The following CDK17 variants were observed in gnomAD, a reference collection of about 807,000 sequenced individuals.
The protein encoded by CDK17 is cyclin dependent kinase 17, also known as cyclin-dependent kinase 17.
Under a neutral mutation model 77.6 loss-of-function variants are expected in CDK17, and 24 were observed. The ratio of observed to expected loss-of-function variants is 0.31; its 90% CI spans 0.22 to 0.44. The LOEUF (loss-of-function observed/expected upper bound fraction) is 0.44, where lower values mean the gene tolerates loss of function less well. Among genes scored for constraint, CDK17 ranks in the 20% least tolerant of loss-of-function variants. The pLI is 1.00. For synonymous variants in CDK17, 203 were observed against 210.4 expected (o/e 0.96, Z 0.30); for missense variants, 429 against 622.5 (o/e 0.69, Z 3.31).
chr12:96,346,163 C>G (rs2137162449), intron 1 of CDK17, among the ~76,000 whole-genome samples: 1 of 152,172 alleles, frequency 6.6e-6, no homozygotes, highest in South Asian at 2.1e-4. Flanking sequence ...ACTAAAAACA[C>G]AAAAATTGGC....
At chr12:96,313,572 T>C (rs1323955053) in intron 3 of CDK17, 118 bp from the exon 4 acceptor site, 1 of 518,570 alleles carries the variant, frequency 1.9e-6, no homozygotes, top group African/African-American at 2.0e-5. Context: ...AAAAGTCATT[T>C]ACATTCTGGG....
chr12:96,341,913 T>C (rs957227329), intron 1 of CDK17, among the ~76,000 whole-genome samples: 35 of 152,220 alleles, frequency 2.3e-4, no homozygotes, highest in African/African-American at 4.8e-5. Context: ...ATCCACTGTT[T>C]ATGTTTTTGA....
intron 1 of CDK17, among the ~76,000 whole-genome samples, chr12:96,385,811 C>T (rs527256485): frequency 3.6e-4 from 55 of 152,078 alleles, no homozygotes; most frequent in African/African-American, 1.3e-3. Flanking sequence ...TGAGACCATA[C>T]AGATAGGAAA....
In CDK17 at chr12:96,297,264, A is replaced by G; in HGVS notation, c.873+6T>C. ...ATTTAAAAATTACACACGCAAGAAA[A>G]CATACCTTTACGTTGTGCATACTCA... On this transcript the variant is annotated splice_donor_region_variant and intron_variant, in intron 9 of 16. Coordinates refer to ENST00000261211, the MANE Select transcript of CDK17 (RefSeq NM_002595.5). The G allele has an allele frequency of 1.3e-6, 2 of 1,595,412 alleles. No homozygotes were observed. The highest frequency in any genetic ancestry group is 1.7e-6 in the Non-Finnish European group (2 of 1,165,948).
At chr12:96,367,882 T>C (rs1409587875) in intron 1 of CDK17, among the ~76,000 whole-genome samples, 1 of 149,072 alleles carries the variant, frequency 6.7e-6, no homozygotes, top group East Asian at 2.0e-4. Flanking sequence ...TCCCTTATAG[T>C]GACTGGTAGG....
chr12:96,339,184 T>A (rs2137150858), intron 1 of CDK17, among the ~76,000 whole-genome samples: 1 of 152,332 alleles, frequency 6.6e-6, no homozygotes, highest in East Asian at 1.9e-4. Flanking sequence ...TTAATTCATA[T>A]AACAGTAACA....
At chr12:96,327,018 G>C (rs1162208803) in intron 2 of CDK17, among the ~76,000 whole-genome samples, 1 of 152,178 alleles carries the variant, frequency 6.6e-6, no homozygotes, top group African/African-American at 2.4e-5. Flanking sequence ...GGGTAGGGAA[G>C]ACTACAAAAG....
chr12:96,364,886 A>G (rs1033044369), intron 1 of CDK17, among the ~76,000 whole-genome samples: 7 of 152,226 alleles, frequency 4.6e-5, no homozygotes, highest in Admixed American at 3.9e-4. Context: ...ACTCAGGAAG[A>G]CCTCACAAAT....
At chr12:96,368,668 C>T (rs543473043) in intron 1 of CDK17, among the ~76,000 whole-genome samples, 1 of 152,118 alleles carries the variant, frequency 6.6e-6, no homozygotes, top group African/African-American at 2.4e-5. Context: ...AAGTGTTCCA[C>T]ATTTTCGTCT....
intron 1 of CDK17, among the ~76,000 whole-genome samples, chr12:96,336,903 C>G (rs1350067115): frequency 6.6e-6 from 1 of 152,208 alleles, no homozygotes. Flanking sequence ...ACTCCAAAGT[C>G]TGAACAATCT....
At chr12:96,301,924 A>G (rs1031380630) in intron 5 of CDK17, among the ~76,000 whole-genome samples, 1 of 152,186 alleles carries the variant, frequency 6.6e-6, no homozygotes, top group Non-Finnish European at 1.5e-5. Context: ...TATGTATCAT[A>G]TTAAAAGCCA....
At chr12:96,304,141 C>G (rs1454189623) in intron 5 of CDK17, among the ~76,000 whole-genome samples, 3 of 152,164 alleles carry the variant, frequency 2.0e-5, no homozygotes, top group Admixed American at 2.0e-4. Flanking sequence ...TGTTTGACCT[C>G]ACATAACTGA....
At chr12:96,296,936 C>A (rs1036150585) in intron 9 of CDK17, among the ~76,000 whole-genome samples, 2 of 151,950 alleles carry the variant, frequency 1.3e-5, no homozygotes, top group African/African-American at 4.8e-5. Flanking sequence ...TTAAAGAAGG[C>A]CTTTCACAGA....
intron 1 of CDK17, among the ~76,000 whole-genome samples, chr12:96,367,391 T>G (rs1281103277): frequency 7.8e-6 from 1 of 128,808 alleles, no homozygotes; most frequent in Non-Finnish European, 1.7e-5. Context: ...TAAAGTAAAA[T>G]AGTTCTCAAG....
chr12:96,334,811 G>A lies in CDK17; in HGVS notation c.26C>T (p.Ser9Phe). 6.2e-7 allele frequency: 1 copy of A among 1,604,868 alleles called. No homozygotes were observed. Among genetic ancestry groups the A allele is most frequent in the Non-Finnish European group, 8.5e-7 (1 of 1,172,046 alleles). Residue 9 changes from serine (S) to phenylalanine (F), a missense_variant, in exon 2 of 17, where the codon TCC becomes TTC. Transcript: ENST00000261211. MKKFKRRL[S>F]LTLRGSQTID... ...AGTCTGACTTCCTCGGAGTGTGAGGGATAGCCTTCTCTTAAATTTTTTCAT... is the reference window on the plus strand; with the variant it reads ...AGTCTGACTTCCTCGGAGTGTGAGGAATAGCCTTCTCTTAAATTTTTTCAT...
chr12:96,296,806 C>T (rs1473739089), intron 9 of CDK17, among the ~76,000 whole-genome samples: 1 of 152,130 alleles, frequency 6.6e-6, no homozygotes, highest in African/African-American at 2.4e-5. Flanking sequence ...TTCTTCCTGA[C>T]AGTACAGATT....
chr12:96,390,285 C>T (rs912595907), intron 1 of CDK17, among the ~76,000 whole-genome samples: 3 of 151,226 alleles, frequency 2.0e-5, no homozygotes, highest in Admixed American at 1.3e-4. Flanking sequence ...CGTGCCAACA[C>T]GCCCGGCTAA....
At chr12:96,346,761 A>G (rs1205974644) in intron 1 of CDK17, among the ~76,000 whole-genome samples, 3 of 151,492 alleles carry the variant, frequency 2.0e-5, no homozygotes, top group African/African-American at 7.3e-5. Flanking sequence ...CTAAATATAC[A>G]AAAATTAGCT....
chr12:96,400,055 C>T lies in CDK17; in HGVS notation c.-99G>A, dbSNP rs935356657. 2.6e-6 allele frequency: 1 copy of T among 388,084 alleles called. No homozygotes were observed. The highest frequency in any genetic ancestry group is 2.1e-5 in the African/African-American group (1 of 48,252). The allele number at this position is 388,084 out of a possible 1,614,324, so 24.0% of individuals were successfully genotyped here. Reference sequence around the variant, plus strand: ...GCGCGGGGGGAAGCTGCTCCGCGGACGCCCGCGGCGACCGGATGCAAGTCC... The same window carrying T: ...GCGCGGGGGGAAGCTGCTCCGCGGATGCCCGCGGCGACCGGATGCAAGTCC... On this transcript the variant is annotated 5_prime_UTR_variant, in exon 1 of 17. Coordinates refer to ENST00000261211, the MANE Select transcript of CDK17 (RefSeq NM_002595.5).
Sources: allele counts gnomAD v4.1 joint callset (sites outside exome capture counted in the v4.1 genomes callset), GRCh38; gene constraint gnomAD v4.1.1; transcripts MANE v1.5; gene names NCBI Gene and HGNC (gene_info 2026-07-23, HGNC 2026-07-21).